The following APBB2 variants were observed in gnomAD, a reference collection of about 807,000 sequenced individuals.
APBB2 encodes the protein Fe65-like 1.
Under a neutral mutation model 82.5 loss-of-function variants are expected in APBB2, and 38 were observed. The ratio of observed to expected loss-of-function variants is 0.46; its 90% CI spans 0.36 to 0.60. The LOEUF (loss-of-function observed/expected upper bound fraction) is 0.60. Among genes scored for constraint, APBB2 ranks in the 20% least tolerant of loss-of-function variants. APBB2 has a pLI of 0.00. For missense variants in APBB2, 772 were observed against 972.3 expected, an observed-to-expected ratio of 0.79 and a Z score of 2.74; for synonymous variants, 341 against 368.2, an observed-to-expected ratio of 0.93 and a Z score of 0.85.
chr4:41,206,302 C>G (rs1276544888), intron 1 of APBB2, among the ~76,000 whole-genome samples: 3 of 152,214 alleles, frequency 2.0e-5, no homozygotes, highest in Non-Finnish European at 4.4e-5. Flanking sequence ...AGGATTAGGA[C>G]AGCCTTCCTT....
At chr4:40,871,643 C>T (rs943550825) in intron 12 of APBB2, among the ~76,000 whole-genome samples, 6 of 152,282 alleles carry the variant, frequency 3.9e-5, no homozygotes, top group African/African-American at 1.4e-4. Context: ...TCAGTTTCCT[C>T]ATCTGTAAAA....
intron 12 of APBB2, chr4:40,857,248 A>C (rs1761553609): frequency 1.1e-6 from 1 of 877,232 alleles, no homozygotes; most frequent in African/African-American, 1.8e-5. Flanking sequence ...GCCCCGCCCC[A>C]CCCGGCCGCA....
At chr4:41,075,710 T>G (rs1735416900) in intron 3 of APBB2, among the ~76,000 whole-genome samples, 2 of 152,232 alleles carry the variant, frequency 1.3e-5, no homozygotes, top group South Asian at 2.1e-4. Context: ...CATTATTTTT[T>G]GTAATGGTGG....
chr4:41,146,323 CAAAAAAAAAAA>C (rs35546477), intron 1 of APBB2, among the ~76,000 whole-genome samples: 1 of 58,354 alleles, frequency 1.7e-5, no homozygotes, highest in Non-Finnish European at 3.1e-5. Context: ...AAGACTGTCT[CAAAAAAAAAAA>C]AAAAAAAAAA....
chr4:41,034,906 A>G (rs1313421536), intron 4 of APBB2, among the ~76,000 whole-genome samples: 1 of 152,266 alleles, frequency 6.6e-6, no homozygotes, highest in East Asian at 1.9e-4. Flanking sequence ...GTCACTCAGA[A>G]TGATAACATG....
In APBB2 at chr4:40,930,444, TGTGTGCGCGCGCGCGCGCGCGC is replaced by T. The variant is rs1255754805; in HGVS notation, c.1254+3990_1254+4011del. On this transcript the variant is annotated intron_variant, in intron 10 of 17. Transcript: ENST00000508593. Reference sequence around the variant, plus strand: ...AAGTGTGTGTGTGTGTGTGTGTGTGTGTGTGCGCGCGCGCGCGCGCGCGTGCGCGTGCGCGTATGCGTGTGTA... The same window carrying T: ...AAGTGTGTGTGTGTGTGTGTGTGTGTGTGCGCGTGCGCGTATGCGTGTGTA... Among the ~76,000 whole-genome samples the T allele has an allele frequency of 2.3e-4, 14 of 60,932 alleles. No individual in the cohort carries two copies. The South Asian group carries it at 2.4e-3, about 10-fold the overall frequency. 40.0% of individuals were successfully genotyped at this position (60,932 alleles called of 152,430 possible). A position where few individuals can be genotyped will look rare whatever the true frequency, so the allele number is the denominator to read the frequency against.
chr4:41,176,071 C>A (rs2154057652), intron 1 of APBB2, among the ~76,000 whole-genome samples: 1 of 152,234 alleles, frequency 6.6e-6, no homozygotes, highest in East Asian at 1.9e-4. Context: ...AAATAACTAA[C>A]CAGCTGCTGG....
At chr4:41,166,873 A>G (rs959802656) in intron 1 of APBB2, among the ~76,000 whole-genome samples, 2 of 152,154 alleles carry the variant, frequency 1.3e-5, no homozygotes, top group South Asian at 4.1e-4. Context: ...CTCCAGCCTG[A>G]GCAGAAAAAT....
chr4:40,832,503 G>A lies in APBB2; in HGVS notation c.1530-1926C>T, dbSNP rs947808232. Among the ~76,000 whole-genome samples the A allele has an allele frequency of 1.3e-5, 2 of 152,076 alleles. No individual in the cohort carries two copies. The highest frequency in any genetic ancestry group is 6.6e-5 in the Admixed American group (1 of 15,266). On this transcript the variant is annotated intron_variant, in intron 12 of 17. Coordinates refer to ENST00000508593, the MANE Select transcript of APBB2 (RefSeq NM_004307.2). The surrounding 1 kb of genome is among the most constrained non-coding windows in gnomAD (Gnocchi z 4.8). ...GCTCAGTGTCCTCCATGCTAGAACC[G>A]GACTCCCCCTGCCTCACGTGCCACA...
chr4:41,031,173 C>T (rs1488313617), intron 5 of APBB2, among the ~76,000 whole-genome samples: 1 of 152,048 alleles, frequency 6.6e-6, no homozygotes, highest in Non-Finnish European at 1.5e-5. Context: ...TGCAGTGAAC[C>T]AAGATTGTGC....
intron 6 of APBB2, among the ~76,000 whole-genome samples, chr4:40,971,936 T>C (rs1796020957): frequency 1.3e-5 from 2 of 152,168 alleles, no homozygotes; most frequent in Non-Finnish European, 2.9e-5. Flanking sequence ...TTAGCGCGTA[T>C]CCTTACGGGA....
chr4:41,124,928 CAATGA>C (rs1580240677), intron 2 of APBB2, among the ~76,000 whole-genome samples: 2 of 152,262 alleles, frequency 1.3e-5, no homozygotes, highest in Non-Finnish European at 2.9e-5. Context: ...ATGGGAATTA[CAATGA>C]AACTTTGGGA....
At chr4:40,959,437 G>T (rs1023985601) in intron 6 of APBB2, among the ~76,000 whole-genome samples, 3 of 152,164 alleles carry the variant, frequency 2.0e-5, no homozygotes, top group African/African-American at 7.2e-5. Flanking sequence ...CAGAGCTGCA[G>T]TCCTCTGGCT....
intron 10 of APBB2, 138 bp downstream of exon 10, chr4:40,934,318 T>G: frequency 1.2e-6 from 1 of 812,938 alleles, no homozygotes; most frequent in Non-Finnish European, 2.0e-6. Flanking sequence ...GTCAGGGAGA[T>G]TAGGAAAGAG....
intron 6 of APBB2, among the ~76,000 whole-genome samples, chr4:41,002,312 A>G (rs1805463827): frequency 1.3e-5 from 2 of 152,202 alleles, no homozygotes; most frequent in South Asian, 4.1e-4. Context: ...AGTCATCTAG[A>G]GATGTCTTTA....
At chr4:40,985,269 G>A (rs951919717) in intron 6 of APBB2, among the ~76,000 whole-genome samples, 1 of 102,968 alleles carries the variant, frequency 9.7e-6, no homozygotes, top group African/African-American at 3.0e-5. Flanking sequence ...TCTTCAATGA[G>A]TATGTCTTTT....
intron 6 of APBB2, among the ~76,000 whole-genome samples, chr4:41,000,016 A>C (rs1479841714): frequency 2.1e-5 from 2 of 94,218 alleles, no homozygotes; most frequent in Non-Finnish European, 5.5e-5. Context: ...CCGTATTTAC[A>C]AAAAAAAAAC....
At chr4:40,866,966 G>A (rs1326491464) in intron 12 of APBB2, among the ~76,000 whole-genome samples, 1 of 152,154 alleles carries the variant, frequency 6.6e-6, no homozygotes, top group Non-Finnish European at 1.5e-5. Context: ...ATGTTGGTCA[G>A]GCTGGTCTCG....
intron 5 of APBB2, among the ~76,000 whole-genome samples, chr4:41,019,449 C>G (rs985852640): frequency 6.6e-6 from 1 of 152,002 alleles, no homozygotes; most frequent in African/African-American, 2.4e-5. Flanking sequence ...GACACAAAAC[C>G]GAGCAAAAGC....
Sources: allele counts gnomAD v4.1 joint callset (sites outside exome capture counted in the v4.1 genomes callset), GRCh38; gene constraint gnomAD v4.1.1; non-coding constraint Gnocchi (gnomAD v3.1); transcripts MANE v1.5; gene names NCBI Gene and HGNC (gene_info 2026-07-23, HGNC 2026-07-21).